RPGR: variants seen among roughly 807,000 people sequenced by gnomAD.
The protein encoded by RPGR is retinitis pigmentosa GTPase regulator, also known as X-linked retinitis pigmentosa GTPase regulator.
In RPGR, 10 loss-of-function variants were observed where a neutral mutation model predicts 56.3. That is an observed-to-expected ratio of 0.18 (90% confidence interval 0.11 to 0.30). The LOEUF is 0.30. Among genes scored for constraint, RPGR ranks in the 10% least tolerant of loss-of-function variants. The pLI is 1.00. For missense variants in RPGR, 538 were observed against 590.9 expected (o/e 0.91, Z 0.93); for synonymous variants, 197 against 212.9 (o/e 0.93, Z 0.65).
At chrX:38,278,677 AG>A (rs1272109437) in intron 15 of RPGR, among the ~76,000 whole-genome samples, 1 of 112,723 alleles carries the variant, frequency 8.9e-6, no homozygotes, top group Admixed American at 9.4e-5. Flanking sequence ...TATGACTGAT[AG>A]TTGTCTGCAT....
intron 9 of RPGR, among the ~76,000 whole-genome samples, chrX:38,300,720 T>C (rs1043234610): frequency 1.8e-5 from 2 of 110,579 alleles, no homozygotes; most frequent in Non-Finnish European, 3.8e-5. Flanking sequence ...TTTTCATTAG[T>C]GACAGGGTTT....
chrX:38,285,414 C>CT (rs35637775), intron 15 of RPGR: 297 of 1,019,436 alleles, frequency 2.9e-4, no homozygotes, highest in Middle Eastern at 7.5e-4. Flanking sequence ...GCATCAGTTG[C>CT]TTTTTTTTTT....
At chrX:38,316,975 C>G in intron 6 of RPGR, among the ~76,000 whole-genome samples, 1 of 110,716 alleles carries the variant, frequency 9.0e-6, no homozygotes, top group East Asian at 2.8e-4. Flanking sequence ...ACAGCTAGAG[C>G]CCAACATTTC....
chrX:38,284,876 A>G lies in RPGR; in HGVS notation c.1905+2218T>C, dbSNP rs939409219. 14 of 748,148 alleles carry G rather than the reference A, an allele frequency of 1.9e-5. No homozygotes were observed. The African/African-American group carries it at 3.0e-4, about 16-fold the overall frequency. The allele number at this position is 748,148 out of a possible 1,213,427, so 61.7% of individuals were successfully genotyped here. On this transcript the variant is annotated intron_variant, in intron 15 of 18. Transcript: ENST00000642395. ...ACATATTTCCAGATTATACATTTAA[A>G]TTAATCACCATTTCATTAGATATAC...
chrX:38,315,838 T>TATATATAGAG (rs768025579), intron 6 of RPGR, among the ~76,000 whole-genome samples: 7 of 90,827 alleles, frequency 7.7e-5, no homozygotes, highest in African/African-American at 2.6e-4. Flanking sequence ...TATATATATA[T>TATATATAGAG]AGAGAGAGAG....
At chrX:38,317,267 A>G in intron 6 of RPGR, 49 bp downstream of exon 6, 2 of 1,101,593 alleles carry the variant, frequency 1.8e-6, no homozygotes, top group South Asian at 3.7e-5. Flanking sequence ...TTAATTTAAT[A>G]ACAACATAGA....
At chrX:38,297,058 G>C (rs1005567594) in intron 11 of RPGR, among the ~76,000 whole-genome samples, 12 of 111,791 alleles carry the variant, frequency 1.1e-4, no homozygotes, top group African/African-American at 3.9e-4. Flanking sequence ...GTTATCCACT[G>C]CTCTATAAAG....
At chrX:38,279,552 G>T (rs150167264) in intron 15 of RPGR, among the ~76,000 whole-genome samples, 4 of 108,483 alleles carry the variant, frequency 3.7e-5, no homozygotes, top group Non-Finnish European at 7.6e-5. Context: ...GGGCTGGGGG[G>T]TGGGGCTGAG....
intron 4 of RPGR, among the ~76,000 whole-genome samples, chrX:38,320,589 C>T (rs1053708964): frequency 2.7e-5 from 3 of 112,146 alleles, no homozygotes; most frequent in South Asian, 7.4e-4. Context: ...GGCTCTTCTA[C>T]GTCATTTGCT....
At chrX:38,281,589 A>C (rs11795845) in intron 15 of RPGR, among the ~76,000 whole-genome samples, 15,212 of 112,114 alleles carry the variant, frequency 0.14, 922 homozygotes, top group Middle Eastern at 0.24. Flanking sequence ...TCATGAGTGT[A>C]GCTTTGCACC....
In RPGR at chrX:38,301,297, GATTGGTAAA is replaced by G; in HGVS notation, c.1000_1008del (p.Phe334_Asn336del). On this transcript the variant is annotated inframe_deletion, in exon 9 of 19. Transcript: ENST00000642395. ...TTAGAGCACAAAGTAGGAATGAAGT[GATTGGTAAA>G]ATTCTCCAGTCCAAGTCCTAATTTT... The G allele has an allele frequency of 8.3e-7, 1 of 1,202,080 alleles. No homozygotes were observed. The highest frequency in any genetic ancestry group is 1.8e-5 in the South Asian group (1 of 56,561).
chrX:38,324,914 A>C (rs1569263496), intron 1 of RPGR, among the ~76,000 whole-genome samples: 1 of 107,181 alleles, frequency 9.3e-6, no homozygotes, highest in African/African-American at 3.4e-5. Flanking sequence ...TCACGCCTGT[A>C]ATCACAGCAC....
Position 38,298,949 on chromosome X carries a change from A to G in RPGR, c.1245+7T>C, listed in dbSNP as rs201381864. 19 of 1,208,962 alleles carry G rather than the reference A, an allele frequency of 1.6e-5. No individual in the cohort carries two copies. Among genetic ancestry groups the G allele is most frequent in the Middle Eastern group, 2.3e-4 (1 of 4,336 alleles). On this transcript the variant is annotated splice_region_variant and intron_variant, in intron 10 of 18. Transcript: ENST00000642395. Reference sequence around the variant, plus strand: ...ATACTATTATACAGAATAGGCCACAATTGTACCCTCTCTCTTCGCCGCATA... The same window carrying G: ...ATACTATTATACAGAATAGGCCACAGTTGTACCCTCTCTCTTCGCCGCATA...
chrX:38,297,324 A>G lies in RPGR; in HGVS notation c.1374T>C (p.Ser458=). Residue 458 remains serine (S), a synonymous_variant, in exon 11 of 19, where the codon AGT becomes AGC. Transcript: ENST00000642395. ...GCATGAGGTCCTGTTCAGATAAGAC[A>G]CTCTCTTGGAGGTTTCTCTCAGAAC... 8.3e-7 allele frequency: 1 copy of G among 1,210,184 alleles called. No individual in the cohort carries two copies. Among genetic ancestry groups the G allele is most frequent in the Non-Finnish European group, 1.1e-6 (1 of 895,033 alleles).
intron 10 of RPGR, chrX:38,298,397 T>C (rs772523119): frequency 7.8e-5 from 25 of 321,700 alleles, no homozygotes; most frequent in Non-Finnish European, 1.3e-4. Context: ...TCCTTTGTTT[T>C]CCCATTTCAT....
In RPGR at chrX:38,285,592, C is replaced by T. The variant is rs150960964; in HGVS notation, c.1905+1502G>A. 1.2e-3 allele frequency: 1,411 copies of T among 1,209,680 alleles called. 7 individuals carry two copies. In the African/African-American group the frequency reaches 0.021, roughly 18 times the overall value. ...TACATTATTCCAGAACTTTTTGGAA[C>T]CTGATGGCCCGTTTTTTAAAAGTCG... On this transcript the variant is annotated intron_variant, in intron 15 of 18. Coordinates refer to ENST00000642395, the MANE Select transcript of RPGR (RefSeq NM_000328.3).
intron 16 of RPGR, chrX:38,276,572 C>G: frequency 8.3e-7 from 1 of 1,204,882 alleles, no homozygotes; most frequent in Non-Finnish European, 1.1e-6. Context: ...AGGATTTAAG[C>G]ATCTATCATC....
At chrX:38,326,316 G>A (rs1205775776) in intron 1 of RPGR, among the ~76,000 whole-genome samples, 2 of 112,008 alleles carry the variant, frequency 1.8e-5, no homozygotes, top group African/African-American at 6.5e-5. Flanking sequence ...GAGCATGGAA[G>A]AAAACATACA....
Position 38,271,740 on chromosome X carries a change from G to A in RPGR, c.2241+1646C>T, listed in dbSNP as rs766167718. Among the ~76,000 whole-genome samples, 10 of 111,982 alleles carry A rather than the reference G, an allele frequency of 8.9e-5. No individual in the cohort carries two copies. The South Asian group carries it at 3.3e-3, about 37-fold the overall frequency. Reference sequence around the variant, plus strand: ...GCCTTAAAGGATTTCCACAAAAAAAGTACCAGTGAAACATGAACTCACAAT... The same window carrying A: ...GCCTTAAAGGATTTCCACAAAAAAAATACCAGTGAAACATGAACTCACAAT... On this transcript the variant is annotated intron_variant, in intron 18 of 18. Transcript: ENST00000642395.
Sources: gnomAD v4.1 joint callset for allele counts (sites outside exome capture counted in the v4.1 genomes callset) on GRCh38, gnomAD v4.1.1 for gene constraint, MANE v1.5 for transcripts, NCBI Gene and HGNC (gene_info 2026-07-23, HGNC 2026-07-21) for gene names.